The following RAB31 variants were observed in gnomAD, a reference collection of about 807,000 sequenced individuals.
RAB31 encodes the protein RAB31, member RAS oncogene family.
A neutral mutation model predicts 25.6 loss-of-function variants in RAB31; 21 were observed. The ratio of observed to expected loss-of-function variants is 0.82; its 90% confidence interval spans 0.58 to 1.18. RAB31 has a LOEUF of 1.18. Ranked by LOEUF, RAB31 falls within the 50% of genes most tolerant of loss-of-function variation. The pLI, the probability that RAB31 is intolerant of heterozygous loss-of-function variation, is 0.00. For missense variants in RAB31, 196 were observed against 250.1 expected, an observed-to-expected ratio of 0.78 and a Z score of 1.46; for synonymous variants, 87 against 84.0, an observed-to-expected ratio of 1.04 and a Z score of -0.20.
intron 5 of RAB31, among the ~76,000 whole-genome samples, chr18:9,838,274 C>T (rs564542221): frequency 1.3e-5 from 2 of 152,246 alleles, no homozygotes; most frequent in African/African-American, 4.8e-5. Flanking sequence ...ACTTGGGCTG[C>T]CTGCCTGTAT....
At chr18:9,831,727 TC>T (rs1381983401) in intron 5 of RAB31, among the ~76,000 whole-genome samples, 1 of 152,162 alleles carries the variant, frequency 6.6e-6, no homozygotes, top group Non-Finnish European at 1.5e-5. Flanking sequence ...CTCTTTCCAC[TC>T]CCCAAGGCAT....
intron 4 of RAB31, 47 bp downstream of exon 4, chr18:9,814,138 C>CG (rs1289423511): frequency 1.5e-5 from 21 of 1,402,092 alleles, no homozygotes; most frequent in Admixed American, 1.2e-4. Context: ...TGGTGGTTCT[C>CG]TCACTTAGAG....
At chr18:9,812,511 A>G (rs1328092768) in intron 3 of RAB31, among the ~76,000 whole-genome samples, 1 of 151,888 alleles carries the variant, frequency 6.6e-6, no homozygotes, top group African/African-American at 2.4e-5. Context: ...TTACAATTTA[A>G]TAATTTATAA....
chr18:9,822,397 G>C (rs1365055222), intron 5 of RAB31, among the ~76,000 whole-genome samples: 1 of 152,154 alleles, frequency 6.6e-6, no homozygotes, highest in African/African-American at 2.4e-5. Flanking sequence ...TCTGGGGTTA[G>C]GCAAAGAGTT....
intron 1 of RAB31, among the ~76,000 whole-genome samples, chr18:9,715,704 AT>A (rs1031405960): frequency 4.6e-5 from 7 of 151,002 alleles, no homozygotes; most frequent in Non-Finnish European, 8.9e-5. Context: ...TAATTTTTGT[AT>A]TTTTTTTAGT....
At chr18:9,764,207 G>A (rs529110350) in intron 1 of RAB31, among the ~76,000 whole-genome samples, 3 of 152,130 alleles carry the variant, frequency 2.0e-5, no homozygotes, top group Non-Finnish European at 4.4e-5. Context: ...CAATTAGTTC[G>A]GTCACTGTCA....
chr18:9,788,885 G>A (rs150338521), intron 2 of RAB31, among the ~76,000 whole-genome samples: 217 of 152,308 alleles, frequency 1.4e-3, no homozygotes, highest in African/African-American at 4.9e-3. Context: ...CAGGAGAATC[G>A]CATGAACCTG....
At chr18:9,829,141 G>A (rs2068664728) in intron 5 of RAB31, among the ~76,000 whole-genome samples, 1 of 152,166 alleles carries the variant, frequency 6.6e-6, no homozygotes, top group Non-Finnish European at 1.5e-5. Context: ...AAAATGAACA[G>A]CCGTGTAAGT....
intron 1 of RAB31, among the ~76,000 whole-genome samples, chr18:9,736,171 G>T (rs8086347): frequency 0.94 from 143,464 of 152,170 alleles, 67,734 homozygotes; most frequent in African/African-American, 0.98. Flanking sequence ...AGAGGGTCTT[G>T]CTAGGTTGCC....
rs2068842089 is a variant in RAB31 at position 9,860,594 on chromosome 18, C to G, written c.*1269C>G. ...AATTCAAATTCTATTACCATTCTAACTTTCATAAAAAGTTGGGATCAAGAA... is the reference window on the plus strand; with the variant it reads ...AATTCAAATTCTATTACCATTCTAAGTTTCATAAAAAGTTGGGATCAAGAA... On this transcript the variant is annotated 3_prime_UTR_variant, in exon 7 of 7. Coordinates refer to ENST00000578921, the MANE Select transcript of RAB31 (RefSeq NM_006868.4). 6.6e-6 allele frequency: 1 copy of G among 152,146 alleles called. No individual in the cohort carries two copies. Among genetic ancestry groups the G allele is most frequent in the South Asian group, 2.1e-4 (1 of 4,828 alleles). 9.4% of individuals were successfully genotyped at this position (152,146 alleles called of 1,614,324 possible).
chr18:9,841,307 A>G (rs1377074632), intron 5 of RAB31, among the ~76,000 whole-genome samples: 1 of 151,072 alleles, frequency 6.6e-6, no homozygotes, highest in Non-Finnish European at 1.5e-5. Context: ...TGGGAGACTG[A>G]GGCGGGTGGA....
At chr18:9,801,492 A>T (rs553655112) in intron 3 of RAB31, among the ~76,000 whole-genome samples, 116 of 152,218 alleles carry the variant, frequency 7.6e-4, no homozygotes, top group African/African-American at 2.3e-3. Context: ...CATGTTGGCC[A>T]GATGTCTCAA....
intron 5 of RAB31, among the ~76,000 whole-genome samples, chr18:9,836,755 G>A (rs12958417): frequency 0.18 from 27,715 of 151,278 alleles, 3,275 homozygotes; most frequent in Non-Finnish European, 0.27. Flanking sequence ...CTCAGTGTGA[G>A]GAACAGGGTG....
At chr18:9,801,839 T>C (rs1240134663) in intron 3 of RAB31, among the ~76,000 whole-genome samples, 1 of 152,240 alleles carries the variant, frequency 6.6e-6, no homozygotes, top group African/African-American at 2.4e-5. Flanking sequence ...CTGTGATGCA[T>C]TTGGAGTTAA....
chr18:9,840,722 C>A (rs2068729211), intron 5 of RAB31, among the ~76,000 whole-genome samples: 1 of 152,106 alleles, frequency 6.6e-6, no homozygotes, highest in Admixed American at 6.5e-5. Flanking sequence ...TGCGAGACTG[C>A]CTCCCATTTC....
At chr18:9,744,114 T>G (rs1405238783) in intron 1 of RAB31, among the ~76,000 whole-genome samples, 1 of 152,256 alleles carries the variant, frequency 6.6e-6, no homozygotes, top group Non-Finnish European at 1.5e-5. Context: ...CTTTTTATTT[T>G]CCATGTCATA....
At chr18:9,818,480 T>C (rs747138113) in intron 5 of RAB31, among the ~76,000 whole-genome samples, 6 of 152,238 alleles carry the variant, frequency 3.9e-5, no homozygotes, top group Non-Finnish European at 8.8e-5. Flanking sequence ...ATGTGGTCTT[T>C]TGTGACCATC....
chr18:9,811,152 G>A (rs1347763322), intron 3 of RAB31, among the ~76,000 whole-genome samples: 1 of 152,230 alleles, frequency 6.6e-6, no homozygotes, highest in Non-Finnish European at 1.5e-5. Context: ...TGGGGGCAGT[G>A]GGTGGCGCCG....
rs186693825 is a variant in RAB31 at position 9,742,611 on chromosome 18, A to C, written c.40-32667A>C. The stretch of plus-strand genomic sequence containing the variant: ...ATAATGTCTATTTGTTTTATTTTGG[A>C]GGGGCAGGGTTGGGGAAGGCTGAGG... On this transcript the variant is annotated intron_variant, in intron 1 of 6. Transcript: ENST00000578921. Among the ~76,000 whole-genome samples, 308 of 152,000 alleles carry C rather than the reference A, an allele frequency of 2.0e-3. 3 individuals are homozygous for C. The highest frequency in any genetic ancestry group is 7.1e-3 in the African/African-American group (296 of 41,434).
Sources: gnomAD v4.1 joint callset for allele counts (sites outside exome capture counted in the v4.1 genomes callset) on GRCh38, gnomAD v4.1.1 for gene constraint, MANE v1.5 for transcripts, NCBI Gene and HGNC (gene_info 2026-07-23, HGNC 2026-07-21) for gene names.